Variants in STK33 observed in about 807,000 individuals in gnomAD.
STK33 encodes the protein serine/threonine-protein kinase 33.
A neutral mutation model predicts 58.0 loss-of-function variants in STK33; 52 were observed. That is an observed-to-expected ratio of 0.90 (90% confidence interval 0.72 to 1.13). The LOEUF is 1.13. Ranked by LOEUF, STK33 falls within the 50% of genes most tolerant of loss-of-function variation. STK33 has a pLI of 0.00. For synonymous variants in STK33, 215 were observed against 200.1 expected (o/e 1.07, Z -0.63); for missense variants, 630 against 604.2 (o/e 1.04, Z -0.45).
chr11:8,519,983 G>A (rs1290201418), intron 1 of STK33, among the ~76,000 whole-genome samples: 4 of 152,020 alleles, frequency 2.6e-5, no homozygotes, highest in African/African-American at 7.2e-5. Flanking sequence ...ATCCTCCCTA[G>A]CTCATTTTAT....
chr11:8,517,942 C>T (rs957813725), intron 1 of STK33, among the ~76,000 whole-genome samples: 1 of 152,024 alleles, frequency 6.6e-6, no homozygotes, highest in Admixed American at 6.6e-5. Flanking sequence ...GGAGAACTTC[C>T]CCAACCTAGC....
intron 1 of STK33, among the ~76,000 whole-genome samples, chr11:8,554,719 C>T (rs1956611385): frequency 6.6e-6 from 1 of 152,012 alleles, no homozygotes. Context: ...AAACTAAAAA[C>T]ATCACTACTA....
chr11:8,512,573 T>G (rs971579230), intron 1 of STK33, among the ~76,000 whole-genome samples: 1 of 152,186 alleles, frequency 6.6e-6, no homozygotes, highest in African/African-American at 2.4e-5. Context: ...GAGGTCAAAA[T>G]GTTCAGAATT....
At chr11:8,520,338 A>T in intron 1 of STK33, among the ~76,000 whole-genome samples, 1 of 152,166 alleles carries the variant, frequency 6.6e-6, no homozygotes, top group Non-Finnish European at 1.5e-5. Flanking sequence ...TTGATGGGAC[A>T]TATCTCAAAA....
intron 1 of STK33, among the ~76,000 whole-genome samples, chr11:8,529,718 A>T (rs1002093367): frequency 6.6e-6 from 1 of 152,172 alleles, no homozygotes; most frequent in Non-Finnish European, 1.5e-5. Context: ...CTCGTTAAAG[A>T]TGAAAAAAAG....
At chr11:8,417,216 G>A (rs1941261721) in intron 14 of STK33, among the ~76,000 whole-genome samples, 1 of 152,142 alleles carries the variant, frequency 6.6e-6, no homozygotes, top group African/African-American at 2.4e-5. Flanking sequence ...AGTAGCAATA[G>A]TTTGATCATC....
intron 1 of STK33, among the ~76,000 whole-genome samples, chr11:8,507,960 G>C (rs1407038843): frequency 6.6e-6 from 1 of 152,006 alleles, no homozygotes; most frequent in Non-Finnish European, 1.5e-5. Flanking sequence ...GCACGATCTC[G>C]GCTCACTGCA....
Position 8,404,388 on chromosome 11 carries a change from A to G in STK33, c.1344+9107T>C, listed in dbSNP as rs933019216. Among the ~76,000 whole-genome samples the G allele has an allele frequency of 2.6e-5, 4 of 152,340 alleles. No homozygotes were observed. In the East Asian group the frequency reaches 7.7e-4, roughly 29 times the overall value. Reference sequence around the variant, plus strand: ...GTATAACCAACACCACAATCAGGAAATAGAACAATTACCAAGAAAGTTCTC... The same window carrying G: ...GTATAACCAACACCACAATCAGGAAGTAGAACAATTACCAAGAAAGTTCTC... On this transcript the variant is annotated intron_variant, in intron 15 of 15. Transcript: ENST00000687296.
intron 15 of STK33, 118 bp downstream of exon 15, chr11:8,413,377 T>C: frequency 9.1e-7 from 1 of 1,095,886 alleles, no homozygotes; most frequent in Non-Finnish European, 1.3e-6. Flanking sequence ...TTACTTGCTA[T>C]ATAACGCTCG....
chr11:8,344,366 A>G, the STK33 span, among the ~76,000 whole-genome samples: 1 of 152,204 alleles, frequency 6.6e-6, no homozygotes, highest in South Asian at 2.1e-4. Flanking sequence ...TGGGTGACAG[A>G]GCGTGAGCCT....
chr11:8,493,241 C>T (rs1272090341), intron 1 of STK33, among the ~76,000 whole-genome samples: 1 of 151,776 alleles, frequency 6.6e-6, no homozygotes, highest in Admixed American at 6.6e-5. Flanking sequence ...ATCAAATAGA[C>T]ACAATAAAGA....
intron 5 of STK33, among the ~76,000 whole-genome samples, chr11:8,474,452 TTTAA>T (rs1389793990): frequency 6.6e-6 from 1 of 152,232 alleles, no homozygotes; most frequent in Non-Finnish European, 1.5e-5. Context: ...GTATAACGTG[TTTAA>T]TTACCTCATG....
chr11:8,521,160 C>A (rs1316137974), intron 1 of STK33, among the ~76,000 whole-genome samples: 2 of 151,888 alleles, frequency 1.3e-5, no homozygotes, highest in East Asian at 1.9e-4. Context: ...AAAAAGAGCC[C>A]CCATTGCCAA....
rs182114159 is a variant in STK33, at chr11:8,392,020, C to G, written c.*490G>C. The G allele has an allele frequency of 1.3e-5, 2 of 159,196 alleles. No homozygotes were observed. The highest frequency in any genetic ancestry group is 4.8e-5 in the African/African-American group (2 of 41,592). 9.9% of individuals were successfully genotyped at this position (159,196 alleles called of 1,614,324 possible). ...ATAGCAACCTAAAATCTCACGAACA[C>G]ATGTGAATGACTGAAGCACTTCTGC... On this transcript the variant is annotated 3_prime_UTR_variant, in exon 16 of 16. Transcript: ENST00000687296.
chr11:8,406,142 CAAAAAAAAAAAA>C (rs59336494), intron 15 of STK33, among the ~76,000 whole-genome samples: 17 of 94,692 alleles, frequency 1.8e-4, no homozygotes, highest in East Asian at 3.2e-4. Context: ...GACTCCGTCT[CAAAAAAAAAAAA>C]AAAAAAAAAA....
chr11:8,384,816 C>T, the STK33 span, among the ~76,000 whole-genome samples: 23 of 152,264 alleles, frequency 1.5e-4, no homozygotes, highest in African/African-American at 5.3e-4. Context: ...AATAGCAGTG[C>T]GTCCAGCCAT....
At chr11:8,583,164 G>A (rs936732717) in intron 1 of STK33, among the ~76,000 whole-genome samples, 11 of 152,116 alleles carry the variant, frequency 7.2e-5, no homozygotes, top group African/African-American at 2.7e-4. Flanking sequence ...TTCTTTAACA[G>A]GTTTCTGCCT....
At chr11:8,580,905 T>C (rs4131072) in intron 1 of STK33, 91,597 of 151,850 alleles carry the variant, frequency 0.6, 27,940 homozygotes, top group African/African-American at 0.66. Context: ...GGGTTATCTG[T>C]CATCTTCATG....
intron 12 of STK33, among the ~76,000 whole-genome samples, chr11:8,438,263 C>T (rs1271715096): frequency 6.6e-6 from 1 of 152,150 alleles, no homozygotes; most frequent in African/African-American, 2.4e-5. Context: ...CCTGCACATC[C>T]AGAAAAGGGA....
Sources: allele counts gnomAD v4.1 joint callset (sites outside exome capture counted in the v4.1 genomes callset), GRCh38; gene constraint gnomAD v4.1.1; transcripts MANE v1.5; gene names NCBI Gene and HGNC (gene_info 2026-07-23, HGNC 2026-07-21).